Variants in CCDC60 observed in about 807,000 individuals in gnomAD.
CCDC60 encodes coiled-coil domain-containing protein 60.
Under a neutral mutation model 63.5 loss-of-function variants are expected in CCDC60, and 54 were observed. The observed-to-expected ratio is 0.85, with a 90% CI of 0.68 to 1.07. CCDC60 has a LOEUF of 1.07. Ranked by LOEUF, CCDC60 falls within the 50% of genes least tolerant of loss-of-function variation. The probability of loss-of-function intolerance (pLI) is 0.00; values close to 1 mark genes in which losing one functional copy is unlikely to be tolerated. For synonymous variants in CCDC60, 206 were observed against 238.8 expected, an observed-to-expected ratio of 0.86 and a Z score of 1.27; for missense variants, 651 against 684.3, an observed-to-expected ratio of 0.95 and a Z score of 0.54.
chr12:119,505,892 C>T (rs746484894), intron 7 of CCDC60, among the ~76,000 whole-genome samples: 1 of 152,204 alleles, frequency 6.6e-6, no homozygotes, highest in Non-Finnish European at 1.5e-5. Context: ...CCAGTTTATA[C>T]AGAACATTAT....
At chr12:119,360,269 G>T (rs1235439900) in intron 1 of CCDC60, among the ~76,000 whole-genome samples, 1 of 149,372 alleles carries the variant, frequency 6.7e-6, no homozygotes, top group East Asian at 2.0e-4. Context: ...CCTCCCGGAC[G>T]GGGCGGCTGG....
At position 119,488,815 on chromosome 12, in the gene CCDC60, T is replaced by C. The variant is rs772856688; in HGVS notation, c.506T>C (p.Ile169Thr). 9 of 1,614,100 alleles carry C rather than the reference T, an allele frequency of 5.6e-6. No individual in the cohort carries two copies. Among genetic ancestry groups the C allele is most frequent in the Non-Finnish European group, 6.8e-6 (8 of 1,180,038 alleles). The change falls in exon 5 of 14, where the codon ATT (isoleucine) becomes ACT (threonine). Residue 169 changes from isoleucine to threonine, a missense_variant. Coordinates refer to ENST00000327554, the MANE Select transcript of CCDC60 (RefSeq NM_178499.5). The part of the protein sequence containing the change: ...ALHWLLEALT[I>T]DHTHHTMKPV... ...CACTGGCTTCTGGAGGCCCTGACTA[T>C]TGACCACACCCACCACACCATGAAG...
intron 1 of CCDC60, among the ~76,000 whole-genome samples, chr12:119,407,853 T>A (rs968650649): frequency 6.6e-6 from 1 of 152,214 alleles, no homozygotes; most frequent in African/African-American, 2.4e-5. Context: ...TCTGTCTGAT[T>A]AAGTCTGTGC....
chr12:119,403,056 G>A (rs911098570), intron 1 of CCDC60, among the ~76,000 whole-genome samples: 2 of 152,166 alleles, frequency 1.3e-5, no homozygotes, highest in African/African-American at 4.8e-5. Context: ...TTTCTTCTGT[G>A]TTGCCTTCAT....
chr12:119,406,907 T>G (rs536834895), intron 1 of CCDC60, among the ~76,000 whole-genome samples: 1 of 152,320 alleles, frequency 6.6e-6, no homozygotes, highest in South Asian at 2.1e-4. Context: ...TTTGGTTTCA[T>G]GTTTGTAAAG....
intron 1 of CCDC60, among the ~76,000 whole-genome samples, chr12:119,426,523 AT>A (rs1458681581): frequency 6.6e-6 from 1 of 151,344 alleles, no homozygotes; most frequent in Non-Finnish European, 1.5e-5. Flanking sequence ...TGCTTGGCTA[AT>A]TTTTTTGTAT....
chr12:119,350,267 G>A (rs986569669), intron 1 of CCDC60, among the ~76,000 whole-genome samples: 2 of 151,656 alleles, frequency 1.3e-5, no homozygotes, highest in African/African-American at 4.8e-5. Flanking sequence ...GCATGATCTC[G>A]GCTCACTGCA....
At chr12:119,413,531 C>T (rs1051719542) in intron 1 of CCDC60, among the ~76,000 whole-genome samples, 1 of 152,138 alleles carries the variant, frequency 6.6e-6, no homozygotes, top group African/African-American at 2.4e-5. Flanking sequence ...TACAGGTACT[C>T]CTGGTATAGT....
chr12:119,338,955 G>A (rs1162617473), intron 1 of CCDC60, among the ~76,000 whole-genome samples: 1 of 152,154 alleles, frequency 6.6e-6, no homozygotes, highest in African/African-American at 2.4e-5. Flanking sequence ...ATATCCTAAC[G>A]AATGTTCCAC....
intron 7 of CCDC60, among the ~76,000 whole-genome samples, chr12:119,505,585 G>A (rs564542899): frequency 1.9e-4 from 29 of 152,252 alleles, no homozygotes; most frequent in Non-Finnish European, 3.8e-4. Flanking sequence ...GCTGGGCACT[G>A]TGGCTCATGC....
intron 2 of CCDC60, among the ~76,000 whole-genome samples, chr12:119,431,837 C>T (rs555758863): frequency 1.3e-5 from 2 of 152,232 alleles, no homozygotes; most frequent in East Asian, 3.9e-4. Flanking sequence ...CACCACCACG[C>T]CTGGCTAATT....
chr12:119,445,601 G>A (rs911059253), intron 2 of CCDC60, among the ~76,000 whole-genome samples: 2 of 151,958 alleles, frequency 1.3e-5, no homozygotes, highest in African/African-American at 4.8e-5. Flanking sequence ...AGAGTTTGGG[G>A]GTCAGGAAAT....
intron 12 of CCDC60, 110 bp downstream of exon 12, chr12:119,528,856 C>G: frequency 8.7e-7 from 1 of 1,144,130 alleles, no homozygotes; most frequent in African/African-American, 1.6e-5. Flanking sequence ...AGGCATTACT[C>G]CAAAACTGTC....
chr12:119,451,124 A>G (rs1449223847), intron 2 of CCDC60, among the ~76,000 whole-genome samples: 1 of 152,148 alleles, frequency 6.6e-6, no homozygotes, highest in Admixed American at 6.5e-5. Context: ...GAAACAAAGC[A>G]AGGTCCAGCC....
chr12:119,488,254 G>A (rs137886653), intron 4 of CCDC60, among the ~76,000 whole-genome samples: 1 of 152,262 alleles, frequency 6.6e-6, no homozygotes, highest in Non-Finnish European at 1.5e-5. Context: ...AATCTGGGGG[G>A]AGAAGAACAA....
intron 5 of CCDC60, among the ~76,000 whole-genome samples, chr12:119,499,570 C>T (rs761505506): frequency 2.0e-5 from 3 of 152,148 alleles, no homozygotes; most frequent in East Asian, 1.9e-4. Context: ...CACACAGTGT[C>T]GTAGAGAACT....
chr12:119,464,464 T>C (rs1266076065), intron 2 of CCDC60, among the ~76,000 whole-genome samples: 1 of 151,682 alleles, frequency 6.6e-6, no homozygotes, highest in Non-Finnish European at 1.5e-5. Context: ...AACCTTTCTG[T>C]CAAACAAAAG....
At chr12:119,405,266 C>T (rs1020927661) in intron 1 of CCDC60, among the ~76,000 whole-genome samples, 5 of 152,198 alleles carry the variant, frequency 3.3e-5, no homozygotes, top group East Asian at 1.9e-4. Context: ...GTGGCAACTG[C>T]GGTTTCTCAT....
intron 1 of CCDC60, among the ~76,000 whole-genome samples, chr12:119,401,823 G>A (rs188842353): frequency 6.6e-6 from 1 of 152,298 alleles, no homozygotes; most frequent in Admixed American, 6.5e-5. Flanking sequence ...GGTGTCATGA[G>A]CAAAAGGCAG....
Sources: gnomAD v4.1 joint callset for allele counts (sites outside exome capture counted in the v4.1 genomes callset) on GRCh38, gnomAD v4.1.1 for gene constraint, MANE v1.5 for transcripts, NCBI Gene and HGNC (gene_info 2026-07-23, HGNC 2026-07-21) for gene names.